STK3: variants seen among roughly 807,000 people sequenced by gnomAD.
STK3 encodes the protein serine/threonine kinase 3.
STK3 carries 41 observed loss-of-function variants against 58.0 expected under a neutral mutation model. That is an observed-to-expected ratio of 0.71 (90% CI 0.55 to 0.92). The LOEUF (loss-of-function observed/expected upper bound fraction) is 0.92. Among genes scored for constraint, STK3 ranks in the 40% least tolerant of loss-of-function variants. The pLI, the probability that STK3 is intolerant of heterozygous loss-of-function variation, is 0.00. For synonymous variants in STK3, 170 were observed against 191.0 expected (o/e 0.89, Z 0.91); for missense variants, 479 against 602.7 (o/e 0.79, Z 2.15).
intron 1 of STK3, among the ~76,000 whole-genome samples, chr8:98,790,206 G>C (rs1438357821): frequency 6.6e-6 from 1 of 151,972 alleles, no homozygotes; most frequent in African/African-American, 2.4e-5. Flanking sequence ...ACCAAAACCA[G>C]GAAAGGATGT....
chr8:98,885,002 C>T (rs1487965554), intron 1 of STK3, among the ~76,000 whole-genome samples: 2 of 152,172 alleles, frequency 1.3e-5, no homozygotes, highest in East Asian at 3.8e-4. Context: ...TGTGGTTGGG[C>T]ATGGTGTTGT....
chr8:98,816,864 AACCT>A (rs1834582504), intron 1 of STK3, among the ~76,000 whole-genome samples: 1 of 152,142 alleles, frequency 6.6e-6, no homozygotes, highest in Non-Finnish European at 1.5e-5. Context: ...CATCAAGACT[AACCT>A]ACAGTATCTA....
chr8:98,846,906 A>G (rs1836228749), intron 3 of STK3, among the ~76,000 whole-genome samples: 1 of 151,568 alleles, frequency 6.6e-6, no homozygotes, highest in African/African-American at 2.4e-5. Flanking sequence ...TACTTTAAAA[A>G]GTGCCCCCCC....
chr8:98,627,205 C>A (rs1818785100), intron 6 of STK3, among the ~76,000 whole-genome samples: 1 of 151,976 alleles, frequency 6.6e-6, no homozygotes, highest in African/African-American at 2.4e-5. Context: ...ATGGTAAAAC[C>A]CCGTCTCTAC....
intron 3 of STK3, among the ~76,000 whole-genome samples, chr8:98,859,920 G>T (rs1338877467): frequency 6.6e-6 from 1 of 152,192 alleles, no homozygotes; most frequent in East Asian, 1.9e-4. Context: ...TTACCTACTT[G>T]AGCTCCAAGC....
chr8:98,567,818 G>A (rs1362550937), intron 8 of STK3, among the ~76,000 whole-genome samples: 1 of 152,100 alleles, frequency 6.6e-6, no homozygotes, highest in Non-Finnish European at 1.5e-5. Context: ...AGCACTTTGG[G>A]AGGCCGAGAC....
At chr8:98,704,293 AC>A (rs2131053697) in intron 6 of STK3, among the ~76,000 whole-genome samples, 1 of 152,314 alleles carries the variant, frequency 6.6e-6, no homozygotes, top group South Asian at 2.1e-4. Context: ...AGCTTCCAAT[AC>A]TTGCAGTTCA....
intron 3 of STK3, among the ~76,000 whole-genome samples, chr8:98,872,056 C>T (rs529807446): frequency 6.6e-6 from 1 of 152,150 alleles, no homozygotes; most frequent in East Asian, 1.9e-4. Flanking sequence ...GCATGAAGGG[C>T]TGTTGAATTT....
At chr8:98,484,962 G>A (rs552258098) in intron 10 of STK3, among the ~76,000 whole-genome samples, 3 of 152,128 alleles carry the variant, frequency 2.0e-5, no homozygotes, top group East Asian at 1.9e-4. Context: ...TTTATTGGCC[G>A]GGTACGGTGG....
rs186133813 is a variant in STK3, at chr8:98,857,648, G to A, written c.110+25999C>T. Among the ~76,000 whole-genome samples the A allele has an allele frequency of 2.1e-3, 315 of 152,118 alleles. 3 individuals carry two copies. The highest frequency in any genetic ancestry group is 3.7e-3 in the Non-Finnish European group (252 of 68,002). On this transcript the variant is annotated intron_variant, in intron 3 of 12. Coordinates refer to the STK3 transcript ENST00000523601. ...ACTAGCATTTCAAGTTCTTAAAAAA[G>A]GAATAATGCATTAAAGTCCATTTAA...
chr8:98,641,977 G>A (rs1007219336), intron 6 of STK3, among the ~76,000 whole-genome samples: 1 of 152,216 alleles, frequency 6.6e-6, no homozygotes, highest in Non-Finnish European at 1.5e-5. Context: ...ATCTTCAAGA[G>A]TTAATGGAAA....
chr8:98,435,857 G>A (rs1818466787), intron 2 of STK3, among the ~76,000 whole-genome samples: 1 of 152,172 alleles, frequency 6.6e-6, no homozygotes, highest in Non-Finnish European at 1.5e-5. Context: ...GGGGATGAGT[G>A]AGGCCATAGC....
At chr8:98,845,608 CATATGTTTTCTT>C (rs1463271129) in intron 3 of STK3, among the ~76,000 whole-genome samples, 1 of 152,170 alleles carries the variant, frequency 6.6e-6, no homozygotes, top group Non-Finnish European at 1.5e-5. Context: ...GAAGTTTTCT[CATATGTTTTCTT>C]ATTATTTCTG....
At chr8:98,549,947 C>T (rs1365199449) in intron 8 of STK3, among the ~76,000 whole-genome samples, 1 of 152,132 alleles carries the variant, frequency 6.6e-6, no homozygotes, top group African/African-American at 2.4e-5. Flanking sequence ...TTTGAGGCTA[C>T]AGTGAGCTAT....
downstream of STK3, among the ~76,000 whole-genome samples, chr8:98,370,295 G>A (rs939903355): frequency 2.7e-5 from 4 of 150,758 alleles, no homozygotes; most frequent in African/African-American, 7.3e-5. Flanking sequence ...GAACTAGAGA[G>A]GCCTGTTAAA....
At chr8:98,760,932 CCTTA>C (rs1333709822) in intron 3 of STK3, among the ~76,000 whole-genome samples, 1 of 151,934 alleles carries the variant, frequency 6.6e-6, no homozygotes, top group African/African-American at 2.4e-5. Context: ...TCTAATTGTA[CCTTA>C]CTTAAACACT....
chr8:98,652,851 A>G (rs1821075408), intron 6 of STK3, among the ~76,000 whole-genome samples: 1 of 151,740 alleles, frequency 6.6e-6, no homozygotes, highest in African/African-American at 2.4e-5. Context: ...AGTGACCTAC[A>G]AAGAGACTTA....
At chr8:98,653,173 G>A (rs1163239105) in intron 6 of STK3, among the ~76,000 whole-genome samples, 1 of 152,198 alleles carries the variant, frequency 6.6e-6, no homozygotes, top group Non-Finnish European at 1.5e-5. Flanking sequence ...TCAGGATTAA[G>A]ACACTCACTC....
intron 4 of STK3, among the ~76,000 whole-genome samples, chr8:98,728,075 C>A (rs1444598568): frequency 3.9e-5 from 6 of 152,186 alleles, no homozygotes; most frequent in African/African-American, 1.4e-4. Flanking sequence ...TCCCTGCCCC[C>A]TCCTCCTCTC....
Sources: allele counts gnomAD v4.1 joint callset (sites outside exome capture counted in the v4.1 genomes callset), GRCh38; gene constraint gnomAD v4.1.1; transcripts MANE v1.5; gene names NCBI Gene and HGNC (gene_info 2026-07-23, HGNC 2026-07-21).